The following HIVEP1 variants were observed in gnomAD, a reference collection of about 807,000 sequenced individuals.
HIVEP1 encodes the protein zinc finger protein 40.
Under a neutral mutation model 180.0 loss-of-function variants are expected in HIVEP1, and 36 were observed. The ratio of observed to expected loss-of-function variants is 0.20; its 90% CI spans 0.15 to 0.26. The LOEUF is 0.26. Among genes scored for constraint, HIVEP1 ranks in the 10% least tolerant of loss-of-function variants. The pLI, the probability that HIVEP1 is intolerant of heterozygous loss-of-function variation, is 1.00. For missense variants in HIVEP1, 3,143 were observed against 3,268.7 expected (o/e 0.96, Z 0.94); for synonymous variants, 1,239 against 1,239.0 (o/e 1.00, Z 0.00).
the HIVEP1 span, among the ~76,000 whole-genome samples, chr6:12,179,229 A>AT: frequency 5.9e-5 from 9 of 152,180 alleles, no homozygotes; most frequent in Non-Finnish European, 1.2e-4. Context: ...TTGGGAACAG[A>AT]TTAATATATA....
intron 2 of HIVEP1, among the ~76,000 whole-genome samples, chr6:12,043,721 G>A (rs548250150): frequency 2.6e-5 from 4 of 152,210 alleles, no homozygotes; most frequent in South Asian, 4.2e-4. Flanking sequence ...TTCTTAGCTC[G>A]GTGGCACTGG....
Position 12,125,442 on chromosome 6 carries a change from A to T in HIVEP1, c.5647A>T (p.Ile1883Phe), listed in dbSNP as rs1126471. 6.2e-7 allele frequency: 1 copy of T among 1,614,078 alleles called. No individual in the cohort carries two copies. Residue 1883 changes from isoleucine (I) to phenylalanine (F), a missense_variant, in exon 4 of 9, where the codon ATT (isoleucine) becomes TTT (phenylalanine). Ile to Phe is a conservative substitution (Grantham distance 21). This residue lies in a region of HIVEP1 where 1,357 missense variants were observed against 1,260.5 expected (regional missense o/e 1.08). Transcript: ENST00000379388. The part of the protein sequence containing the change: ...SSPAPSENTH[I>F]SPLKCTDNNQ... ...ACCTGCTCCTTCAGAAAATACTCAT[A>T]TTTCTCCTTTGAAATGTACAGACAA...
intron 2 of HIVEP1, among the ~76,000 whole-genome samples, chr6:12,040,690 G>A (rs556987394): frequency 6.6e-6 from 1 of 152,280 alleles, no homozygotes; most frequent in East Asian, 1.9e-4. Flanking sequence ...TTCTTACATT[G>A]CTATAAAGCA....
At chr6:12,129,286 A>G (rs576641520) in intron 4 of HIVEP1, among the ~76,000 whole-genome samples, 10 of 152,332 alleles carry the variant, frequency 6.6e-5, no homozygotes, top group African/African-American at 2.2e-4. Context: ...TTACCTTATA[A>G]TGCACTGAAG....
In HIVEP1 at chr6:12,161,795, G is replaced by A. The variant is rs764265684; in HGVS notation, c.6844G>A (p.Ala2282Thr). ...LSPGKARQRA[A>T]RDENDTIPSV... ...TCCGGGGAAGGCCAGGCAGCGTGCT[G>A]CGAGAGATGAAAACGACACAATTCC... Residue 2282 changes from alanine to threonine, a missense_variant, in exon 8 of 9, where the codon GCG becomes ACG. Around this residue, in one of 12 missense-constraint regions of HIVEP1, gnomAD observed 595 missense variants for 602.2 expected, o/e 0.99. Coordinates refer to ENST00000379388, the MANE Select transcript of HIVEP1 (RefSeq NM_002114.4). The A allele has an allele frequency of 1.2e-6, 2 of 1,614,214 alleles. No individual in the cohort carries two copies.
Position 12,125,834 on chromosome 6 carries a change from G to T in HIVEP1, c.6039G>T (p.Leu2013Phe), listed in dbSNP as rs1294910884. The stretch of plus-strand genomic sequence containing the variant: ...CTACCCATTCCAAGTCAGACTTATT[G>T]GTCTATTCAAGCAAGTGGAAAAGCA... ...AITTHSKSDL[L>F]VYSSKWKSSL... The change falls in exon 4 of 9, where the codon TTG (leucine) becomes TTT (phenylalanine). Residue 2013 changes from leucine (L) to phenylalanine (F), a missense_variant. Physicochemically the swap from Leu to Phe is conservative, Grantham distance 22. Coordinates refer to ENST00000379388, the MANE Select transcript of HIVEP1 (RefSeq NM_002114.4). 2 of 1,611,958 alleles carry T rather than the reference G, an allele frequency of 1.2e-6. No individual in the cohort carries two copies. The highest frequency in any genetic ancestry group is 2.7e-5 in the African/African-American group (2 of 74,876).
upstream of HIVEP1, chr6:12,011,906 C>T (rs1581477192): frequency 7.0e-6 from 1 of 142,246 alleles, no homozygotes; most frequent in African/African-American, 2.5e-5. Context: ...GCGGCCTCCC[C>T]TCCTCCCGCC....
Position 12,164,641 on chromosome 6 carries a change from A to G in HIVEP1, c.*180A>G, listed in dbSNP as rs1194920926. ...CTCCAGCCATTTTTGTACATGTTGT[A>G]TAGACAATTGTGCCTTTTAGGAGCT... is the stretch of plus-strand genomic sequence containing the variant. On this transcript the variant is annotated 3_prime_UTR_variant, in exon 9 of 9. Transcript: ENST00000379388. 1.2e-5 allele frequency: 7 copies of G among 566,406 alleles called. No individual in the cohort carries two copies. The highest frequency in any genetic ancestry group is 3.5e-5 in the Admixed American group (1 of 28,904). The allele number at this position is 566,406 out of a possible 1,614,324, so 35.1% of individuals were successfully genotyped here.
At chr6:12,052,616 AT>A (rs1581586331) in intron 2 of HIVEP1, among the ~76,000 whole-genome samples, 1 of 152,108 alleles carries the variant, frequency 6.6e-6, no homozygotes, top group East Asian at 1.9e-4. Context: ...GCACTATTTA[AT>A]TTTTTGTTAT....
At chr6:12,018,409 G>C (rs901010760) in intron 2 of HIVEP1, among the ~76,000 whole-genome samples, 1 of 152,244 alleles carries the variant, frequency 6.6e-6, no homozygotes, top group Non-Finnish European at 1.5e-5. Context: ...CGCCGAGAGC[G>C]AGTGAGGGCT....
rs373288872 is a variant in HIVEP1 at position 12,123,794 on chromosome 6, C to T, written c.3999C>T (p.Ser1333=). 2.0e-5 allele frequency: 33 copies of T among 1,614,020 alleles called. No individual in the cohort carries two copies. Among genetic ancestry groups the T allele is most frequent in the Non-Finnish European group, 2.7e-5 (32 of 1,180,026 alleles). ...AGGACGTTTCTAAAACGGAGGCTTC[C>T]CCCAAAATCGATTTTCTAAATAAAG... ...DIEDVSKTEA[S]PKIDFLNKAE... is the part of the protein sequence containing the mutation. Residue 1333 remains serine, a synonymous_variant, in exon 4 of 9, where the codon TCC becomes TCT. Coordinates refer to ENST00000379388, the MANE Select transcript of HIVEP1 (RefSeq NM_002114.4).
At chr6:12,113,935 T>C (rs2113472147) in intron 3 of HIVEP1, among the ~76,000 whole-genome samples, 1 of 152,348 alleles carries the variant, frequency 6.6e-6, no homozygotes, top group South Asian at 2.1e-4. Context: ...ACACATTATT[T>C]GTTTAATTTG....
At chr6:12,184,167 C>A in the HIVEP1 span, among the ~76,000 whole-genome samples, 1 of 152,238 alleles carries the variant, frequency 6.6e-6, no homozygotes, top group Admixed American at 6.5e-5. Context: ...GGAGGATTAC[C>A]TTTTCCTTTG....
chr6:12,040,123 C>T (rs938231077), intron 2 of HIVEP1, among the ~76,000 whole-genome samples: 4 of 152,092 alleles, frequency 2.6e-5, no homozygotes, highest in African/African-American at 4.8e-5. Flanking sequence ...CCTGTGTGGG[C>T]GTGCATGCAT....
At chr6:12,145,883 T>G (rs577115565) in intron 7 of HIVEP1, among the ~76,000 whole-genome samples, 1 of 152,298 alleles carries the variant, frequency 6.6e-6, no homozygotes, top group South Asian at 2.1e-4. Flanking sequence ...AACAGTTGTT[T>G]ATTGAATTAC....
intron 2 of HIVEP1, among the ~76,000 whole-genome samples, chr6:12,046,996 G>T (rs1770182541): frequency 6.6e-6 from 1 of 151,396 alleles, no homozygotes; most frequent in Non-Finnish European, 1.5e-5. Flanking sequence ...GAGTAACTGG[G>T]ATTACAGGTG....
intron 3 of HIVEP1, among the ~76,000 whole-genome samples, chr6:12,112,041 T>G (rs186495477): frequency 3.9e-5 from 6 of 152,368 alleles, no homozygotes; most frequent in African/African-American, 1.2e-4. Flanking sequence ...GCTCTTCATT[T>G]ATATGTATAG....
chr6:12,068,170 A>G (rs1318050993), intron 2 of HIVEP1, among the ~76,000 whole-genome samples: 2 of 152,110 alleles, frequency 1.3e-5, no homozygotes, highest in Non-Finnish European at 2.9e-5. Context: ...GGCTCAGTGC[A>G]ATCTCCGCCT....
intron 7 of HIVEP1, among the ~76,000 whole-genome samples, chr6:12,157,661 C>T (rs1016943132): frequency 6.6e-6 from 1 of 151,930 alleles, no homozygotes; most frequent in Non-Finnish European, 1.5e-5. Flanking sequence ...TCTTTTAGAG[C>T]AATTAAAAAA....
Sources: allele counts gnomAD v4.1 joint callset (sites outside exome capture counted in the v4.1 genomes callset), GRCh38; gene constraint gnomAD v4.1.1; regional missense constraint gnomAD v4.1.1; transcripts MANE v1.5; gene names NCBI Gene and HGNC (gene_info 2026-07-23, HGNC 2026-07-21).